Variants in DRC1 observed in about 807,000 individuals in gnomAD.
DRC1 encodes dynein regulatory complex subunit 1, also known as dynein regulatory complex protein 1.
In DRC1, 74 loss-of-function variants were observed where a neutral mutation model predicts 98.7. The observed-to-expected ratio is 0.75, with a 90% CI of 0.62 to 0.91. The LOEUF (loss-of-function observed/expected upper bound fraction) is 0.91, where lower values mean the gene tolerates loss of function less well. Among genes scored for constraint, DRC1 ranks in the 40% least tolerant of loss-of-function variants. The pLI is 0.00. For synonymous variants in DRC1, 336 were observed against 334.1 expected (o/e 1.01, Z -0.06); for missense variants, 875 against 886.0 (o/e 0.99, Z 0.16).
intron 8 of DRC1, among the ~76,000 whole-genome samples, chr2:26,443,542 A>G (rs1663771917): frequency 6.6e-6 from 1 of 152,192 alleles, no homozygotes; most frequent in Non-Finnish European, 1.5e-5. Context: ...AAACTCTCCT[A>G]TAGCACTTTC....
At chr2:26,446,815 GGT>G (rs1431932453) in intron 10 of DRC1, among the ~76,000 whole-genome samples, 1 of 152,346 alleles carries the variant, frequency 6.6e-6, no homozygotes, top group East Asian at 1.9e-4. Flanking sequence ...CCTGGAGCCA[GGT>G]GCGATGGCTC....
At position 26,444,222 on chromosome 2, in the gene DRC1, C is replaced by T; in HGVS notation, c.1029C>T (p.Arg343=). Residue 343 remains arginine (R), a splice_region_variant and synonymous_variant, in exon 9 of 17, where the codon CGC becomes CGT. Transcript: ENST00000288710. Reference sequence around the variant, plus strand: ...ACTAACCTTTTTCTCCTTCAACCAGCCTGCATGATATACTTAACAATCTGA... The same window carrying T: ...ACTAACCTTTTTCTCCTTCAACCAGTCTGCATGATATACTTAACAATCTGA... ...IKSQQKRKIN[R]LHDILNNLRS... 6.2e-7 allele frequency: 1 copy of T among 1,614,020 alleles called. No individual in the cohort carries two copies. Among genetic ancestry groups the T allele is most frequent in the African/African-American group, 1.3e-5 (1 of 75,020 alleles).
chr2:26,436,286 A>G (rs1041891325), intron 7 of DRC1, among the ~76,000 whole-genome samples: 2 of 151,932 alleles, frequency 1.3e-5, no homozygotes, highest in African/African-American at 2.4e-5. Context: ...AGTGTTGTTC[A>G]TGTTCTTTGC....
chr2:26,428,715 G>A (rs943821946), intron 4 of DRC1, among the ~76,000 whole-genome samples: 8 of 152,012 alleles, frequency 5.3e-5, no homozygotes, highest in South Asian at 2.1e-4. Flanking sequence ...GGAAAATGGC[G>A]TGAACCCGGG....
chr2:26,403,450 CATTT>C (rs1413241156), intron 1 of DRC1, among the ~76,000 whole-genome samples: 3 of 152,076 alleles, frequency 2.0e-5, no homozygotes. Context: ...TTTTTTTAAC[CATTT>C]ATTTATTAAC....
At chr2:26,449,884 C>A (rs750262628) in intron 11 of DRC1, 112 bp from the exon 12 acceptor site, 2 of 906,270 alleles carry the variant, frequency 2.2e-6, no homozygotes, top group East Asian at 5.5e-5. Flanking sequence ...CATCCCTGGG[C>A]GTCTGCTCCG....
At chr2:26,455,326 C>A in intron 16 of DRC1, 93 bp downstream of exon 16, 1 of 1,164,708 alleles carries the variant, frequency 8.6e-7, no homozygotes, top group Non-Finnish European at 1.2e-6. Context: ...AGTCCCCTCC[C>A]CGTCAGAGGC....
intron 2 of DRC1, among the ~76,000 whole-genome samples, chr2:26,418,620 A>AAT (rs1678915422): frequency 1.1e-5 from 1 of 89,438 alleles, no homozygotes; most frequent in Non-Finnish European, 1.9e-5. Flanking sequence ...AATTATATAT[A>AAT]ATATAAATTA....
chr2:26,430,503 G>A (rs1400883727), intron 5 of DRC1: 1 of 535,646 alleles, frequency 1.9e-6, no homozygotes. Context: ...GCCAACAGGG[G>A]CACTGGCCTT....
rs17005349 is a variant in DRC1, at chr2:26,454,467, C to T, written c.1920-180C>T. On this transcript the variant is annotated intron_variant, in intron 14 of 16. Coordinates refer to ENST00000288710, the MANE Select transcript of DRC1 (RefSeq NM_145038.5). The surrounding 1 kb of genome is among the most constrained non-coding windows in gnomAD (Gnocchi z 5.2). The stretch of plus-strand genomic sequence containing the variant: ...GCCCTCACGAAGGTACCGGTGGTAC[C>T]GAGGCAGGAACGTTGACAATAAGCA... 0.15 allele frequency among the ~76,000 whole-genome samples: 22,281 copies of T among 152,072 alleles called. 2,436 individuals are homozygous for T. The highest frequency in any genetic ancestry group is 0.3 in the African/African-American group (12,530 of 41,430).
At chr2:26,403,265 C>G (rs959694835) in intron 1 of DRC1, among the ~76,000 whole-genome samples, 1 of 152,116 alleles carries the variant, frequency 6.6e-6, no homozygotes, top group Non-Finnish European at 1.5e-5. Context: ...AATATATGAA[C>G]CTTGGCGCAT....
chr2:26,401,981 A>T lies in DRC1; in HGVS notation c.-9A>T, dbSNP rs770677610. 6.3e-7 allele frequency: 1 copy of T among 1,594,588 alleles called. No homozygotes were observed. The highest frequency in any genetic ancestry group is 8.5e-7 in the Non-Finnish European group (1 of 1,171,218). ...GGAGGGAGCCGCCTAGGGACCAGGG[A>T]CTCCTGCCATGAATCCGCCGGGGTC... On this transcript the variant is annotated 5_prime_UTR_variant, in exon 1 of 17. Transcript: ENST00000288710.
At chr2:26,438,831 A>G (rs1048608841) in intron 7 of DRC1, among the ~76,000 whole-genome samples, 11 of 152,170 alleles carry the variant, frequency 7.2e-5, no homozygotes, top group Non-Finnish European at 1.5e-4. Context: ...GAGGCTGGAG[A>G]TAGCACACAC....
chr2:26,405,229 T>G (rs1229774287), intron 1 of DRC1, among the ~76,000 whole-genome samples: 2 of 152,188 alleles, frequency 1.3e-5, no homozygotes, highest in African/African-American at 4.8e-5. Context: ...TCTTGTTGGC[T>G]GCCCTTTCGT....
intron 16 of DRC1, among the ~76,000 whole-genome samples, 189 bp from the exon 17 acceptor site, chr2:26,456,272 G>A (rs1305841971): frequency 6.6e-6 from 1 of 152,190 alleles, no homozygotes; most frequent in Non-Finnish European, 1.5e-5. Context: ...TGGAGCAGAA[G>A]CTGAGCAAGA....
intron 7 of DRC1, among the ~76,000 whole-genome samples, chr2:26,437,160 C>A (rs1423270400): frequency 6.6e-6 from 1 of 152,166 alleles, no homozygotes; most frequent in Non-Finnish European, 1.5e-5. Flanking sequence ...AGGCATAAAT[C>A]ATTGCAACTT....
At chr2:26,448,614 G>T in intron 10 of DRC1, 77 bp from the exon 11 acceptor site, 2 of 1,435,152 alleles carry the variant, frequency 1.4e-6, no homozygotes, top group South Asian at 2.3e-5. Context: ...AAAGCCATCT[G>T]ACTGTTTCTC....
intron 1 of DRC1, among the ~76,000 whole-genome samples, chr2:26,404,650 A>G (rs1678362008): frequency 6.6e-6 from 1 of 152,108 alleles, no homozygotes; most frequent in Admixed American, 6.5e-5. Flanking sequence ...CTGGGTGGCA[A>G]TATTTTTTTT....
rs574771654 is a variant in DRC1 at position 26,431,013 on chromosome 2, T to A, written c.765+141T>A. 2.7e-5 allele frequency: 19 copies of A among 716,108 alleles called. 1 individual carries two copies. In the South Asian group the frequency reaches 3.5e-4, roughly 13 times the overall value. The allele number at this position is 716,108 out of a possible 1,614,324, so 44.4% of individuals were successfully genotyped here. On this transcript the variant is annotated intron_variant, in intron 6 of 16. Coordinates refer to ENST00000288710, the MANE Select transcript of DRC1 (RefSeq NM_145038.5). ...TCTTGCTTCTGTCACCAGGTTGGAATGCTGTGGAGCAATCTCGGCTCACTG... is the reference window on the plus strand; with the variant it reads ...TCTTGCTTCTGTCACCAGGTTGGAAAGCTGTGGAGCAATCTCGGCTCACTG...
Sources: allele counts gnomAD v4.1 joint callset (sites outside exome capture counted in the v4.1 genomes callset), GRCh38; gene constraint gnomAD v4.1.1; non-coding constraint Gnocchi (gnomAD v3.1); transcripts MANE v1.5; gene names NCBI Gene and HGNC (gene_info 2026-07-23, HGNC 2026-07-21).